STRA8: variants seen among roughly 807,000 people sequenced by gnomAD.
The protein encoded by STRA8 is stimulated by retinoic acid gene 8 protein homolog.
Under a neutral mutation model 37.1 loss-of-function variants are expected in STRA8, and 18 were observed. The observed-to-expected ratio is 0.48, with a 90% CI of 0.34 to 0.72. STRA8 has a LOEUF of 0.72. Among genes scored for constraint, STRA8 ranks in the 30% least tolerant of loss-of-function variants. STRA8 has a pLI of 0.01. For synonymous variants in STRA8, 168 were observed against 162.9 expected (o/e 1.03, Z -0.24); for missense variants, 357 against 410.4 (o/e 0.87, Z 1.13).
intron 8 of STRA8, among the ~76,000 whole-genome samples, chr7:135,257,138 G>A (rs1385055715): frequency 6.6e-6 from 1 of 152,204 alleles, no homozygotes; most frequent in African/African-American, 2.4e-5. Context: ...TCCAGGGCAG[G>A]AAAGGCTCAG....
At chr7:135,258,285 T>G in intron 8 of STRA8, 133 bp from the exon 9 acceptor site, 1 of 641,770 alleles carries the variant, frequency 1.6e-6, no homozygotes, top group Non-Finnish European at 2.6e-6. Context: ...AAGCTGGAGG[T>G]GAAAATGCAG....
chr7:135,258,227 G>C (rs965942976), intron 8 of STRA8, among the ~76,000 whole-genome samples, 191 bp from the exon 9 acceptor site: 4 of 136,092 alleles, frequency 2.9e-5, no homozygotes, highest in African/African-American at 1.3e-4. Context: ...TGAGTTGAGT[G>C]AAATGGAAAT....
At chr7:135,248,016 A>C (rs1832589789) in intron 6 of STRA8, among the ~76,000 whole-genome samples, 3 of 152,128 alleles carry the variant, frequency 2.0e-5, no homozygotes, top group Non-Finnish European at 4.4e-5. Context: ...CCTTGCCCTG[A>C]CTTTCCAAAT....
chr7:135,256,517 A>G (rs947927043), intron 8 of STRA8, among the ~76,000 whole-genome samples: 28 of 152,218 alleles, frequency 1.8e-4, no homozygotes, highest in Non-Finnish European at 3.5e-4. Flanking sequence ...TACAAAGCAA[A>G]GGTATGGCCG....
Position 135,245,270 on chromosome 7 carries a change from TTC to T in STRA8, c.354-16_354-15del. 1 of 781,008 alleles carries T rather than the reference TTC, an allele frequency of 1.3e-6. No individual in the cohort carries two copies. Among genetic ancestry groups the T allele is most frequent in the East Asian group, 2.4e-5 (1 of 41,242 alleles). The allele number at this position is 781,008 out of a possible 1,614,324, so 48.4% of individuals were successfully genotyped here. A position where few individuals can be genotyped will look rare whatever the true frequency, so the allele number is the denominator to read the frequency against. ...GGATATTAATCTATAGTTGTCTTGT[TTC>T]TGTTTTCTTTCCCAGCCTGCTTTCA... On this transcript the variant is annotated splice_polypyrimidine_tract_variant and intron_variant, in intron 4 of 8. Coordinates refer to ENST00000662584, the MANE Select transcript of STRA8 (RefSeq NM_001394401.1).
chr7:135,248,570 T>G (rs1383589846), intron 6 of STRA8, among the ~76,000 whole-genome samples: 1 of 151,314 alleles, frequency 6.6e-6, no homozygotes, highest in Admixed American at 6.6e-5. Context: ...AATAAAAAGG[T>G]GTGGTGGTGG....
rs113479228 is a variant in STRA8 at position 135,245,242 on chromosome 7, G to A, written c.354-46G>A. ...CTAAGAATTTCTTGTCCATGTTCAT[G>A]AGGGATATTAATCTATAGTTGTCTT... is the stretch of plus-strand genomic sequence containing the variant. On this transcript the variant is annotated intron_variant, in intron 4 of 8. Transcript: ENST00000662584. The A allele has an allele frequency of 4.1e-3, 3,179 of 780,492 alleles. 71 individuals carry two copies. The African/African-American group carries it at 0.049, about 12-fold the overall frequency. The allele number at this position is 780,492 out of a possible 1,614,324, so 48.3% of individuals were successfully genotyped here.
chr7:135,252,867 C>T (rs923392783), intron 7 of STRA8, among the ~76,000 whole-genome samples: 3 of 152,108 alleles, frequency 2.0e-5, no homozygotes, highest in South Asian at 2.1e-4. Flanking sequence ...TTTTCACAGA[C>T]GGCACCTTCT....
chr7:135,244,846 C>T (rs1832521274), intron 4 of STRA8, among the ~76,000 whole-genome samples: 1 of 152,114 alleles, frequency 6.6e-6, no homozygotes, highest in Non-Finnish European at 1.5e-5. Flanking sequence ...ACCTCCAGAA[C>T]AATTTTGAAT....
At chr7:135,250,086 G>T (rs1315248205) in intron 6 of STRA8, among the ~76,000 whole-genome samples, 1 of 152,252 alleles carries the variant, frequency 6.6e-6, no homozygotes, top group African/African-American at 2.4e-5. Flanking sequence ...GGTCCACCTG[G>T]AGAGGTTCTG....
intron 7 of STRA8, among the ~76,000 whole-genome samples, chr7:135,252,118 C>T (rs754956955): frequency 2.6e-4 from 39 of 151,848 alleles, no homozygotes; most frequent in Non-Finnish European, 4.1e-4. Flanking sequence ...TCCATTCTCA[C>T]ACTGCTACAA....
intron 6 of STRA8, among the ~76,000 whole-genome samples, chr7:135,247,470 T>C (rs1473300298): frequency 1.3e-5 from 2 of 152,210 alleles, no homozygotes; most frequent in East Asian, 1.9e-4. Context: ...AATCGAACTG[T>C]CTTTCTTCCT....
chr7:135,249,808 C>T (rs1832613567), intron 6 of STRA8, among the ~76,000 whole-genome samples: 1 of 152,222 alleles, frequency 6.6e-6, no homozygotes, highest in Non-Finnish European at 1.5e-5. Context: ...GAGAAAACAA[C>T]CAGAATCTAA....
At position 135,246,425 on chromosome 7, in the gene STRA8, A is replaced by G. The variant is rs771121359; in HGVS notation, c.602A>G (p.Asn201Ser). The change falls in exon 6 of 9, where the codon AAC becomes AGC. Residue 201 changes from asparagine (N) to serine (S), a missense_variant. Asn to Ser is a conservative substitution (Grantham distance 46). Coordinates refer to ENST00000662584, the MANE Select transcript of STRA8 (RefSeq NM_001394401.1). The surrounding 1 kb of genome is among the most constrained non-coding windows in gnomAD (Gnocchi z 5.4). The part of the protein sequence containing the change: ...PDLMEFERYL[N>S]FYKQTMDLLT... Reference sequence around the variant, plus strand: ...CGCCGCTTCTGTTCCAGGTATCTCAACTTTTACAAACAGACGATGGACCTT... The same window carrying G: ...CGCCGCTTCTGTTCCAGGTATCTCAGCTTTTACAAACAGACGATGGACCTT... The G allele has an allele frequency of 1.2e-6, 2 of 1,602,416 alleles. No homozygotes were observed. Among genetic ancestry groups the G allele is most frequent in the South Asian group, 1.1e-5 (1 of 89,106 alleles).
intron 2 of STRA8, 99 bp from the exon 3 acceptor site, chr7:135,242,682 G>A (rs940389889): frequency 9.5e-7 from 1 of 1,051,864 alleles, no homozygotes; most frequent in Non-Finnish European, 1.5e-6. Context: ...TTGCATCTGA[G>A]GGAGCGTGGC....
intron 8 of STRA8, among the ~76,000 whole-genome samples, chr7:135,257,591 A>T (rs1832719532): frequency 6.6e-6 from 1 of 151,698 alleles, no homozygotes; most frequent in East Asian, 1.9e-4. Flanking sequence ...TGCCCAGCTA[A>T]TTTTTTTGTA....
chr7:135,242,895 G>A lies in STRA8; in HGVS notation c.268+39G>A, dbSNP rs375991525. The A allele has an allele frequency of 6.2e-5, 98 of 1,589,382 alleles. No individual in the cohort carries two copies. In the African/African-American group the frequency reaches 1.1e-3, roughly 17 times the overall value. On this transcript the variant is annotated intron_variant, in intron 3 of 8. Coordinates refer to ENST00000662584, the MANE Select transcript of STRA8 (RefSeq NM_001394401.1). ...ACTTGCCAACCCCATCTCCCTCCCT[G>A]GAGAAAACTGGATCTGTTTTTCTAT...
intron 1 of STRA8, among the ~76,000 whole-genome samples, chr7:135,238,429 A>G (rs1411405375): frequency 6.6e-6 from 1 of 152,212 alleles, no homozygotes; most frequent in Non-Finnish European, 1.5e-5. Context: ...CCACACAGCC[A>G]TCCAGGAATT....
chr7:135,233,710 A>C (rs1040338609), upstream of STRA8, among the ~76,000 whole-genome samples: 11 of 150,110 alleles, frequency 7.3e-5, no homozygotes, highest in African/African-American at 2.7e-4. Context: ...CACTGCCCAC[A>C]CGCCCATTGG....
Sources: allele counts gnomAD v4.1 joint callset (sites outside exome capture counted in the v4.1 genomes callset), GRCh38; gene constraint gnomAD v4.1.1; non-coding constraint Gnocchi (gnomAD v3.1); transcripts MANE v1.5; gene names NCBI Gene and HGNC (gene_info 2026-07-23, HGNC 2026-07-21).